ZNF474: variants seen among roughly 807,000 people sequenced by gnomAD.
The protein encoded by ZNF474 is zinc finger protein 474, also known as 4933409D10Rik.
For missense variants in ZNF474, 511 were observed against 433.8 expected (o/e 1.18, Z -1.58); for synonymous variants, 192 against 162.2 (o/e 1.18, Z -1.39).
At chr5:122,147,892 T>G (rs1346380178) in intron 1 of ZNF474, 2 of 152,194 alleles carry the variant, frequency 1.3e-5, no homozygotes, top group Non-Finnish European at 2.9e-5. Flanking sequence ...AAAAATGGCA[T>G]CATGTTGATA....
At chr5:122,150,373 T>C (rs1166724276) in intron 1 of ZNF474, among the ~76,000 whole-genome samples, 1 of 152,224 alleles carries the variant, frequency 6.6e-6, no homozygotes, top group Non-Finnish European at 1.5e-5. Context: ...GATTTGATAC[T>C]CTTAAAGGCA....
rs1756222553 is a variant in ZNF474, at chr5:122,152,631, G to C, written c.641G>C (p.Gly214Ala). Residue 214 changes from glycine to alanine, a missense_variant, in exon 2 of 2, where the codon GGA (glycine) becomes GCA (alanine). Coordinates refer to ENST00000296600, the MANE Select transcript of ZNF474 (RefSeq NM_207317.3). ...ACTGGCCTCAAGAAAGCTTGTAGTG[G>C]AACCCCAGCCCGACCAAGGACTGTT... Reference protein sequence around the residue: ...HLTGLKKACSGTPARPRTVIC... With the variant: ...HLTGLKKACSATPARPRTVIC... 6.2e-7 allele frequency: 1 copy of C among 1,614,080 alleles called. No homozygotes were observed. Among genetic ancestry groups the C allele is most frequent in the Non-Finnish European group, 8.5e-7 (1 of 1,180,046 alleles).
chr5:122,132,767 C>A (rs941679159), intron 1 of ZNF474, among the ~76,000 whole-genome samples: 1 of 152,150 alleles, frequency 6.6e-6, no homozygotes, highest in African/African-American at 2.4e-5. Context: ...ATTGTCTTGG[C>A]ATCTTCATCA....
chr5:122,146,522 CA>C (rs1324181100), intron 1 of ZNF474, among the ~76,000 whole-genome samples: 2 of 151,528 alleles, frequency 1.3e-5, no homozygotes, highest in East Asian at 1.9e-4. Context: ...TCTACTCCCT[CA>C]AAAAAAATTC....
chr5:122,141,651 G>A (rs1755849135), intron 1 of ZNF474, among the ~76,000 whole-genome samples: 1 of 152,060 alleles, frequency 6.6e-6, no homozygotes, highest in African/African-American at 2.4e-5. Flanking sequence ...TGTTGGCCAG[G>A]CTAGTCTTGA....
chr5:122,144,799 G>C (rs1755944385), intron 1 of ZNF474, among the ~76,000 whole-genome samples: 1 of 151,982 alleles, frequency 6.6e-6, no homozygotes, highest in African/African-American at 2.4e-5. Context: ...TATATTATAG[G>C]CCTCTAATGT....
intron 1 of ZNF474, among the ~76,000 whole-genome samples, chr5:122,144,992 TAAC>T (rs1359814594): frequency 1.3e-5 from 2 of 152,206 alleles, no homozygotes; most frequent in Non-Finnish European, 2.9e-5. Context: ...TTATAAGCCT[TAAC>T]AACATAAAAT....
chr5:122,135,309 AT>A (rs1218001083), intron 1 of ZNF474, among the ~76,000 whole-genome samples: 8 of 152,214 alleles, frequency 5.3e-5, no homozygotes, highest in Non-Finnish European at 8.8e-5. Flanking sequence ...ATCTCAAAAA[AT>A]TTTTTTAATT....
chr5:122,141,898 A>G (rs1017892762), intron 1 of ZNF474, among the ~76,000 whole-genome samples: 6 of 152,200 alleles, frequency 3.9e-5, no homozygotes, highest in South Asian at 2.1e-4. Context: ...GCTGCTGTCT[A>G]TCTCTCACTG....
At chr5:122,138,348 C>T (rs981311948) in intron 1 of ZNF474, among the ~76,000 whole-genome samples, 16 of 152,082 alleles carry the variant, frequency 1.1e-4, no homozygotes, top group African/African-American at 3.4e-4. Context: ...TGCAAACCCA[C>T]AATAAGAGGG....
At chr5:122,140,983 T>C (rs576096778) in intron 1 of ZNF474, among the ~76,000 whole-genome samples, 2 of 152,240 alleles carry the variant, frequency 1.3e-5, no homozygotes, top group African/African-American at 4.8e-5. Flanking sequence ...TTTAATGGGG[T>C]TACACACAAG....
intron 1 of ZNF474, among the ~76,000 whole-genome samples, chr5:122,144,854 T>C (rs1755945939): frequency 2.0e-5 from 3 of 152,298 alleles, no homozygotes; most frequent in South Asian, 4.1e-4. Context: ...CCACTGCAAA[T>C]GTCAATATTA....
chr5:122,136,928 G>C (rs909325352), intron 1 of ZNF474, among the ~76,000 whole-genome samples: 6 of 152,172 alleles, frequency 3.9e-5, no homozygotes, highest in African/African-American at 9.7e-5. Context: ...GGCACTGGGC[G>C]AGGTGCTGGT....
At chr5:122,137,046 T>C (rs1186296961) in intron 1 of ZNF474, among the ~76,000 whole-genome samples, 6 of 152,140 alleles carry the variant, frequency 3.9e-5, no homozygotes, top group Non-Finnish European at 8.8e-5. Context: ...ACATAGGTGC[T>C]GAGTGCTGTA....
chr5:122,144,955 T>C (rs1755948856), intron 1 of ZNF474, among the ~76,000 whole-genome samples: 1 of 152,204 alleles, frequency 6.6e-6, no homozygotes, highest in African/African-American at 2.4e-5. Flanking sequence ...ACAGGCTTGA[T>C]CTAACAGTAG....
At chr5:122,151,164 C>T (rs1312312478) in intron 1 of ZNF474, among the ~76,000 whole-genome samples, 2 of 152,188 alleles carry the variant, frequency 1.3e-5, no homozygotes, top group South Asian at 4.1e-4. Context: ...TGTGACACAA[C>T]TTTACCTCAA....
intron 1 of ZNF474, among the ~76,000 whole-genome samples, chr5:122,141,276 G>A (rs892280252): frequency 2.1e-5 from 3 of 144,650 alleles, no homozygotes; most frequent in African/African-American, 2.6e-5. Flanking sequence ...TCAGACACCC[G>A]AGTAGCTGGG....
rs116158782 is a variant in ZNF474 at position 122,152,259 on chromosome 5, G to A, written c.269G>A (p.Arg90His). 3,215 of 1,614,178 alleles carry A rather than the reference G, an allele frequency of 2.0e-3. 55 individuals carry two copies. In the African/African-American group the frequency reaches 0.033, roughly 17 times the overall value. The change falls in exon 2 of 2, where the codon CGC (arginine) becomes CAC (histidine). Residue 90 changes from arginine (R) to histidine (H), a missense_variant. Arg to His is a conservative substitution (Grantham distance 29). Coordinates refer to ENST00000296600, the MANE Select transcript of ZNF474 (RefSeq NM_207317.3). The stretch of plus-strand genomic sequence containing the variant: ...CTTAGCCCCCCTGTGATCCCGGCCC[G>A]CAGGCCTGGATTCCGGGTATGCTAT... Reference protein sequence around the residue: ...SQLSPPVIPARRPGFRVCYIC... With the variant: ...SQLSPPVIPAHRPGFRVCYIC...
At chr5:122,147,732 A>G (rs1756028806) in intron 1 of ZNF474, 1 of 152,140 alleles carries the variant, frequency 6.6e-6, no homozygotes, top group Non-Finnish European at 1.5e-5. Flanking sequence ...ATTATTTTTT[A>G]AAAGATATGA....
Sources: allele counts gnomAD v4.1 joint callset (sites outside exome capture counted in the v4.1 genomes callset), GRCh38; gene constraint gnomAD v4.1.1; transcripts MANE v1.5; gene names NCBI Gene and HGNC (gene_info 2026-07-23, HGNC 2026-07-21).